Variants in TAF3 observed in about 807,000 individuals in gnomAD.
The protein encoded by TAF3 is TATA-box binding protein associated factor 3.
In TAF3, 7 loss-of-function variants were observed where a neutral mutation model predicts 80.6. The observed-to-expected ratio is 0.09, with a 90% CI of 0.05 to 0.16. The LOEUF is 0.16. Ranked by LOEUF, TAF3 falls within the 10% of genes least tolerant of loss-of-function variation. TAF3 has a pLI of 1.00. For missense variants in TAF3, 921 were observed against 1,140.2 expected (o/e 0.81, Z 2.77); for synonymous variants, 444 against 446.1 (o/e 1.00, Z 0.06).
Position 7,964,643 on chromosome 10 carries a change from A to G in TAF3, c.1133A>G (p.Lys378Arg), listed in dbSNP as rs1405344779. ...AAACTGAACAGTGAGAATCAGCCGA[A>G]AAAGGCTGTGGTAGCAGATAAAACG... Reference protein sequence around the residue: ...AGKLNSENQPKKAVVADKTIE... With the variant: ...AGKLNSENQPRKAVVADKTIE... Residue 378 changes from lysine to arginine, a missense_variant, in exon 3 of 7, where the codon AAA (lysine) becomes AGA (arginine). Lys to Arg is a conservative substitution (Grantham distance 26). Around this residue, in one of 6 missense-constraint regions of TAF3, gnomAD observed 743 missense variants for 821.0 expected, o/e 0.90. Coordinates refer to ENST00000344293, the MANE Select transcript of TAF3 (RefSeq NM_031923.4). The surrounding 1 kb of genome is among the most constrained non-coding windows in gnomAD (Gnocchi z 4.1). The G allele has an allele frequency of 1.9e-6, 3 of 1,614,200 alleles. No homozygotes were observed. The highest frequency in any genetic ancestry group is 2.5e-6 in the Non-Finnish European group (3 of 1,180,032).
chr10:7,865,775 G>A (rs781329426), intron 2 of TAF3, among the ~76,000 whole-genome samples: 2 of 152,224 alleles, frequency 1.3e-5, no homozygotes, highest in African/African-American at 2.4e-5. Context: ...GTCAAACCTC[G>A]AACAGCAGCA....
intron 3 of TAF3, 28 bp downstream of exon 3, chr10:7,965,770 T>C (rs1175025104): frequency 6.6e-7 from 1 of 1,509,220 alleles, no homozygotes; most frequent in Non-Finnish European, 8.8e-7. Context: ...TTTGGCCCTA[T>C]CTGAACAGAG....
At chr10:7,847,897 G>T (rs1271945482) in intron 2 of TAF3, among the ~76,000 whole-genome samples, 1 of 152,076 alleles carries the variant, frequency 6.6e-6, no homozygotes, top group Non-Finnish European at 1.5e-5. Flanking sequence ...AGCCTCCCGA[G>T]TAGCTGAGAC....
At chr10:7,834,474 G>A (rs987770376) in intron 2 of TAF3, among the ~76,000 whole-genome samples, 2 of 151,916 alleles carry the variant, frequency 1.3e-5, no homozygotes, top group African/African-American at 4.8e-5. Flanking sequence ...CAGTCTCGGT[G>A]CTAAGGGATA....
At chr10:7,992,127 T>C (rs1564379056) in intron 4 of TAF3, among the ~76,000 whole-genome samples, 1 of 152,236 alleles carries the variant, frequency 6.6e-6, no homozygotes, top group Non-Finnish European at 1.5e-5. Context: ...CCATGTTGAA[T>C]GTTCAATTTC....
chr10:7,832,420 G>T (rs1836810491), intron 2 of TAF3, among the ~76,000 whole-genome samples: 1 of 151,982 alleles, frequency 6.6e-6, no homozygotes, highest in African/African-American at 2.4e-5. Context: ...ATTTTTATGG[G>T]TACACAGTAA....
At chr10:7,915,953 G>T (rs2131183968) in intron 2 of TAF3, among the ~76,000 whole-genome samples, 1 of 151,950 alleles carries the variant, frequency 6.6e-6, no homozygotes, top group South Asian at 2.1e-4. Context: ...CCTCCAGCCT[G>T]GGTGACAGAG....
chr10:7,852,930 C>G (rs1234275889), intron 2 of TAF3, among the ~76,000 whole-genome samples: 1 of 152,190 alleles, frequency 6.6e-6, no homozygotes, highest in Non-Finnish European at 1.5e-5. Flanking sequence ...CCAATAGTCA[C>G]CAACTAGTTG....
intron 2 of TAF3, among the ~76,000 whole-genome samples, chr10:7,840,365 G>A (rs1053432357): frequency 7.2e-5 from 11 of 151,830 alleles, no homozygotes; most frequent in African/African-American, 2.7e-4. Flanking sequence ...TGTTAGCCAG[G>A]ATGGTCTCGA....
chr10:7,965,235 C>T lies in TAF3; in HGVS notation c.1725C>T (p.Pro575=). The change falls in exon 3 of 7, where the codon CCC becomes CCT. Residue 575 remains proline (P), a synonymous_variant. Coordinates refer to ENST00000344293, the MANE Select transcript of TAF3 (RefSeq NM_031923.4). Reference sequence around the variant, plus strand: ...AAACTGGCAGGGAAACAAAGTATCCCTGGAAGGAATTTCTTAAAGAGGAAG... The same window carrying T: ...AAACTGGCAGGGAAACAAAGTATCCTTGGAAGGAATTTCTTAAAGAGGAAG... ...DKETGRETKY[P]WKEFLKEEEA... The T allele has an allele frequency of 8.7e-6, 14 of 1,608,738 alleles. No homozygotes were observed. The highest frequency in any genetic ancestry group is 1.2e-5 in the Non-Finnish European group (14 of 1,178,748).
intron 2 of TAF3, among the ~76,000 whole-genome samples, chr10:7,836,219 C>T (rs1347447835): frequency 6.6e-6 from 1 of 152,154 alleles, no homozygotes; most frequent in Non-Finnish European, 1.5e-5. Context: ...CCTCCCCAAA[C>T]TGTCCCTCTA....
chr10:7,935,243 C>A (rs113542174), intron 2 of TAF3, among the ~76,000 whole-genome samples: 1,864 of 151,990 alleles, frequency 0.012, 47 homozygotes, highest in African/African-American at 0.043. Context: ...TGCCACTGCA[C>A]TCCAGCCTGG....
At chr10:7,858,830 G>GCGCA (rs1554777943) in intron 2 of TAF3, among the ~76,000 whole-genome samples, 12 of 151,688 alleles carry the variant, frequency 7.9e-5, no homozygotes, top group African/African-American at 1.7e-4. Context: ...GTGTGTGTGC[G>GCGCA]CGCGCCTGCA....
At chr10:7,907,687 T>G (rs1486688887) in intron 2 of TAF3, among the ~76,000 whole-genome samples, 1 of 152,220 alleles carries the variant, frequency 6.6e-6, no homozygotes. Context: ...CTGCCCATTT[T>G]AATACATGCA....
chr10:7,891,370 T>TA (rs1342047020), intron 2 of TAF3, among the ~76,000 whole-genome samples: 3 of 152,302 alleles, frequency 2.0e-5, no homozygotes, highest in African/African-American at 7.2e-5. Context: ...AGCCACTTTT[T>TA]AAAAAAACCT....
chr10:7,976,943 C>G (rs1045486213), intron 3 of TAF3, among the ~76,000 whole-genome samples: 4 of 152,132 alleles, frequency 2.6e-5, no homozygotes, highest in Non-Finnish European at 5.9e-5. Flanking sequence ...CAGAAATGAT[C>G]TAGGTAACAA....
intron 2 of TAF3, among the ~76,000 whole-genome samples, chr10:7,856,033 A>G (rs1837076092): frequency 6.6e-6 from 1 of 152,204 alleles, no homozygotes; most frequent in Non-Finnish European, 1.5e-5. Context: ...GCTATTTTAA[A>G]GGAGGAAATG....
intron 2 of TAF3, among the ~76,000 whole-genome samples, chr10:7,943,973 G>A (rs188204102): frequency 6.6e-6 from 1 of 152,186 alleles, no homozygotes; most frequent in East Asian, 1.9e-4. Flanking sequence ...CTTTGAAAAG[G>A]GGGTGGGTTT....
intron 2 of TAF3, among the ~76,000 whole-genome samples, chr10:7,960,574 G>A (rs763585864): frequency 3.6e-4 from 55 of 152,312 alleles, no homozygotes; most frequent in Middle Eastern, 3.4e-3. Context: ...GGAATCGCAT[G>A]TGCAGAGGTA....
Sources: gnomAD v4.1 joint callset for allele counts (sites outside exome capture counted in the v4.1 genomes callset) on GRCh38, gnomAD v4.1.1 for gene constraint, gnomAD v4.1.1 regional missense constraint, Gnocchi (gnomAD v3.1) non-coding constraint, MANE v1.5 for transcripts, NCBI Gene and HGNC (gene_info 2026-07-23, HGNC 2026-07-21) for gene names.